Variants in REEP3 observed in about 807,000 individuals in gnomAD.
The protein encoded by REEP3 is receptor accessory protein 3.
A neutral mutation model predicts 41.3 loss-of-function variants in REEP3; 20 were observed. The observed-to-expected ratio is 0.48, with a 90% CI of 0.34 to 0.70. The LOEUF (loss-of-function observed/expected upper bound fraction) is 0.70. Among genes scored for constraint, REEP3 ranks in the 30% least tolerant of loss-of-function variants. REEP3 has a pLI of 0.01. For missense variants in REEP3, 271 were observed against 308.8 expected (o/e 0.88, Z 0.92); for synonymous variants, 104 against 101.8 (o/e 1.02, Z -0.13).
At chr10:63,521,910 C>T (rs544877514) in intron 1 of REEP3, 1 of 150,774 alleles carries the variant, frequency 6.6e-6, no homozygotes, top group African/African-American at 2.4e-5. Flanking sequence ...GGCGCGCGCT[C>T]CCCGCTCCTG....
At chr10:63,581,658 G>A (rs1178599155) in intron 2 of REEP3, among the ~76,000 whole-genome samples, 1 of 151,786 alleles carries the variant, frequency 6.6e-6, no homozygotes, top group Non-Finnish European at 1.5e-5. Context: ...GAGGAAGATC[G>A]CTTGAGCCCA....
At chr10:63,590,455 A>C (rs976270122) in intron 2 of REEP3, among the ~76,000 whole-genome samples, 1 of 152,190 alleles carries the variant, frequency 6.6e-6, no homozygotes, top group Non-Finnish European at 1.5e-5. Flanking sequence ...ATGTGTCCCC[A>C]TCTTAGTGCT....
At chr10:63,557,066 C>G (rs1483093795) in intron 1 of REEP3, among the ~76,000 whole-genome samples, 1 of 152,116 alleles carries the variant, frequency 6.6e-6, no homozygotes. Flanking sequence ...TAAAAACATA[C>G]TATAGTTTCC....
intron 2 of REEP3, among the ~76,000 whole-genome samples, chr10:63,567,838 ATAAC>A (rs1227788736): frequency 1.3e-5 from 2 of 152,138 alleles, no homozygotes; most frequent in Non-Finnish European, 2.9e-5. Flanking sequence ...TGAAACTTTT[ATAAC>A]TAACTCATTT....
rs1315027746 is a variant in REEP3, at chr10:63,622,865, C to T, written c.*1996C>T. The T allele has an allele frequency of 6.6e-6, 1 of 152,070 alleles. No homozygotes were observed. Among genetic ancestry groups the T allele is most frequent in the East Asian group, 1.9e-4 (1 of 5,194 alleles). The allele number at this position is 152,070 out of a possible 1,614,324, so 9.4% of individuals were successfully genotyped here. A position where few individuals can be genotyped will look rare whatever the true frequency, so the allele number is the denominator to read the frequency against. On this transcript the variant is annotated 3_prime_UTR_variant, in exon 8 of 8. Coordinates refer to ENST00000373758, the MANE Select transcript of REEP3 (RefSeq NM_001001330.3). Reference sequence around the variant, plus strand: ...GGGTCTACAGGCCCGTGCTACCACGCCCAGCTAATTTTTGTCTTTTTAGTA... The same window carrying T: ...GGGTCTACAGGCCCGTGCTACCACGTCCAGCTAATTTTTGTCTTTTTAGTA...
rs570400393 is a variant in REEP3, at chr10:63,597,914, A to C, written c.183-110A>C. 13 of 1,011,442 alleles carry C rather than the reference A, an allele frequency of 1.3e-5. No individual in the cohort carries two copies. The South Asian group carries it at 1.6e-4, about 12-fold the overall frequency. The allele number at this position is 1,011,442 out of a possible 1,614,324, so 62.7% of individuals were successfully genotyped here. On this transcript the variant is annotated intron_variant, in intron 3 of 7. Transcript: ENST00000373758. The stretch of plus-strand genomic sequence containing the variant: ...AAGAGCAAAACTCCATCTCAAAAAA[A>C]AAAAAACAAAAAACAGCATAGTGAC...
chr10:63,561,949 T>C (rs1955743636), intron 1 of REEP3, among the ~76,000 whole-genome samples: 1 of 152,158 alleles, frequency 6.6e-6, no homozygotes, highest in Non-Finnish European at 1.5e-5. Context: ...TAAAGGGAAA[T>C]ATAAAGTGAA....
At chr10:63,558,367 AAGG>A (rs1489979087) in intron 1 of REEP3, among the ~76,000 whole-genome samples, 2 of 152,212 alleles carry the variant, frequency 1.3e-5, no homozygotes, top group Non-Finnish European at 1.5e-5. Flanking sequence ...TGATCACAAG[AAGG>A]AGGAGTAGCA....
chr10:63,550,220 A>G (rs1955615756), intron 1 of REEP3, among the ~76,000 whole-genome samples: 1 of 152,220 alleles, frequency 6.6e-6, no homozygotes, highest in Non-Finnish European at 1.5e-5. Flanking sequence ...GAGAAATATT[A>G]TACCATGGGA....
intron 2 of REEP3, among the ~76,000 whole-genome samples, chr10:63,586,973 C>T (rs1019530258): frequency 2.1e-5 from 3 of 141,960 alleles, no homozygotes; most frequent in East Asian, 2.1e-4. Flanking sequence ...TTCCTACTGA[C>T]GTTTATGCAT....
intron 1 of REEP3, chr10:63,563,089 A>G: frequency 2.3e-6 from 1 of 436,264 alleles, no homozygotes; most frequent in South Asian, 1.6e-5. Flanking sequence ...AGGCCTCAGA[A>G]GACACCAAAT....
intron 1 of REEP3, among the ~76,000 whole-genome samples, chr10:63,530,797 T>C (rs1955413922): frequency 6.6e-6 from 1 of 152,192 alleles, no homozygotes; most frequent in Non-Finnish European, 1.5e-5. Context: ...GTGGCATAAA[T>C]GGGTATTTTA....
chr10:63,524,047 G>A (rs965627715), intron 1 of REEP3, among the ~76,000 whole-genome samples: 7 of 152,148 alleles, frequency 4.6e-5, no homozygotes, highest in Non-Finnish European at 1.0e-4. Context: ...GGAAGAAAAT[G>A]TCATGAAAAG....
chr10:63,560,517 T>A (rs552040904), intron 1 of REEP3, among the ~76,000 whole-genome samples: 100 of 152,362 alleles, frequency 6.6e-4, no homozygotes, highest in South Asian at 1.4e-3. Flanking sequence ...TTATTTTTCA[T>A]CTTTTAAAAT....
At chr10:63,593,654 C>T (rs887208763) in intron 2 of REEP3, among the ~76,000 whole-genome samples, 1 of 152,108 alleles carries the variant, frequency 6.6e-6, no homozygotes, top group African/African-American at 2.4e-5. Context: ...ACTTGAGAGA[C>T]AAGAAACTCT....
At chr10:63,552,342 C>T (rs1361445905) in intron 1 of REEP3, among the ~76,000 whole-genome samples, 4 of 152,052 alleles carry the variant, frequency 2.6e-5, no homozygotes, top group South Asian at 2.1e-4. Context: ...ATTCAGGAGG[C>T]GGAGCCTGCA....
chr10:63,522,278 T>C (rs1003109030), intron 1 of REEP3, among the ~76,000 whole-genome samples: 11 of 151,866 alleles, frequency 7.2e-5, no homozygotes, highest in Non-Finnish European at 1.3e-4. Context: ...GCGGAAATAT[T>C]TGCTAAGTGA....
At chr10:63,547,129 C>T (rs938994431) in intron 1 of REEP3, among the ~76,000 whole-genome samples, 1 of 151,718 alleles carries the variant, frequency 6.6e-6, no homozygotes, top group Non-Finnish European at 1.5e-5. Flanking sequence ...ACCATGTTGG[C>T]CAGGCTGATC....
rs61853643 is a variant in REEP3, at chr10:63,555,206, T to C, written c.33-11132T>C. On this transcript the variant is annotated intron_variant, in intron 1 of 7. Coordinates refer to ENST00000373758, the MANE Select transcript of REEP3 (RefSeq NM_001001330.3). The stretch of plus-strand genomic sequence containing the variant: ...TGTCTTTTTCTCTCCTTCATGGTTT[T>C]AAACATGGGGACCTTTGGTTATAGA... Among the ~76,000 whole-genome samples the C allele has an allele frequency of 3.8e-3, 577 of 152,310 alleles. 1 individual carries two copies. The highest frequency in any genetic ancestry group is 6.1e-3 in the Non-Finnish European group (412 of 68,024).
Sources: allele counts gnomAD v4.1 joint callset (sites outside exome capture counted in the v4.1 genomes callset), GRCh38; gene constraint gnomAD v4.1.1; transcripts MANE v1.5; gene names NCBI Gene and HGNC (gene_info 2026-07-23, HGNC 2026-07-21).